MED12L: variants seen among roughly 807,000 people sequenced by gnomAD.
MED12L encodes mediator of RNA polymerase II transcription subunit 12-like protein.
A neutral mutation model predicts 281.3 loss-of-function variants in MED12L; 60 were observed. That is an observed-to-expected ratio of 0.21 (90% CI 0.17 to 0.26). The LOEUF is 0.26. Among genes scored for constraint, MED12L ranks in the 10% least tolerant of loss-of-function variants. The pLI, the probability that MED12L is intolerant of heterozygous loss-of-function variation, is 1.00. For synonymous variants in MED12L, 974 were observed against 987.2 expected, an observed-to-expected ratio of 0.99 and a Z score of 0.25; for missense variants, 2,146 against 2,680.9, an observed-to-expected ratio of 0.80 and a Z score of 4.41.
intron 16 of MED12L, among the ~76,000 whole-genome samples, chr3:151,261,603 G>A (rs1577161021): frequency 6.6e-6 from 1 of 152,236 alleles, no homozygotes; most frequent in Admixed American, 6.5e-5. Flanking sequence ...CTGAGAACTT[G>A]CTGGAAATGC....
chr3:151,262,867 C>T (rs904224058), intron 16 of MED12L, among the ~76,000 whole-genome samples: 1 of 152,206 alleles, frequency 6.6e-6, no homozygotes, highest in South Asian at 2.1e-4. Context: ...GTTAACGTCT[C>T]CTCAGTTAAA....
chr3:151,338,621 C>G, intron 16 of MED12L: 1 of 1,613,856 alleles, frequency 6.2e-7, no homozygotes, highest in East Asian at 2.2e-5. Flanking sequence ...ATGGAAAAGT[C>G]AGAATCATGA....
At chr3:151,119,473 C>T (rs1713401268) in intron 3 of MED12L, among the ~76,000 whole-genome samples, 1 of 152,108 alleles carries the variant, frequency 6.6e-6, no homozygotes, top group Admixed American at 6.5e-5. Context: ...CTTGTGTGTT[C>T]CTCCGTGGTG....
intron 16 of MED12L, among the ~76,000 whole-genome samples, chr3:151,265,985 A>G (rs1739756852): frequency 6.6e-6 from 1 of 152,142 alleles, no homozygotes; most frequent in Non-Finnish European, 1.5e-5. Flanking sequence ...GAGGCATTTA[A>G]TTGTTGTCTG....
intron 17 of MED12L, among the ~76,000 whole-genome samples, chr3:151,354,219 G>C (rs1046084036): frequency 4.2e-5 from 6 of 142,322 alleles, no homozygotes; most frequent in African/African-American, 1.0e-4. Context: ...TTTCCTTTTT[G>C]TTTTTAGATT....
chr3:151,126,212 C>T (rs1462612697), intron 4 of MED12L, among the ~76,000 whole-genome samples: 1 of 151,976 alleles, frequency 6.6e-6, no homozygotes, highest in East Asian at 1.9e-4. Flanking sequence ...CCACACTCAC[C>T]TGATTTTTAT....
chr3:151,146,642 T>G (rs149184722), intron 5 of MED12L, among the ~76,000 whole-genome samples: 20 of 152,320 alleles, frequency 1.3e-4, no homozygotes, highest in Admixed American at 9.8e-4. Flanking sequence ...ATGGCTGGTT[T>G]AAAATAACAT....
At chr3:151,326,995 C>T (rs964033067) in intron 16 of MED12L, 2 of 152,154 alleles carry the variant, frequency 1.3e-5, no homozygotes, top group Non-Finnish European at 2.9e-5. Context: ...TTGTATGTAT[C>T]GAGAATAGCA....
chr3:151,095,722 A>G (rs184248736), intron 2 of MED12L, among the ~76,000 whole-genome samples: 12 of 152,232 alleles, frequency 7.9e-5, no homozygotes, highest in Admixed American at 5.9e-4. Flanking sequence ...GCTTCTCACT[A>G]AAAACTTTTT....
intron 11 of MED12L, among the ~76,000 whole-genome samples, chr3:151,168,813 T>G (rs1721033616): frequency 6.6e-6 from 1 of 151,834 alleles, no homozygotes; most frequent in South Asian, 2.1e-4. Context: ...TCAAACAATT[T>G]TCATGCCTCA....
intron 28 of MED12L, among the ~76,000 whole-genome samples, chr3:151,376,545 G>T (rs1756875057): frequency 6.6e-6 from 1 of 152,144 alleles, no homozygotes; most frequent in Non-Finnish European, 1.5e-5. Flanking sequence ...TTTGAAAGGA[G>T]AAATGCTTAT....
intron 2 of MED12L, among the ~76,000 whole-genome samples, chr3:151,105,086 G>A (rs1721838500): frequency 6.6e-6 from 1 of 152,070 alleles, no homozygotes; most frequent in Admixed American, 6.5e-5. Flanking sequence ...TGGCTCCAGG[G>A]GCTGTCTCCA....
At chr3:151,242,413 G>C (rs1421633222) in intron 16 of MED12L, among the ~76,000 whole-genome samples, 1 of 152,188 alleles carries the variant, frequency 6.6e-6, no homozygotes. Context: ...CTCCCAGCAC[G>C]CAGCTGGAGA....
At chr3:151,266,388 C>T (rs1426723502) in intron 16 of MED12L, among the ~76,000 whole-genome samples, 1 of 152,202 alleles carries the variant, frequency 6.6e-6, no homozygotes, top group Non-Finnish European at 1.5e-5. Flanking sequence ...ATCACATTTA[C>T]AGTATCATCC....
chr3:151,158,699 T>G lies in MED12L; in HGVS notation c.737T>G (p.Leu246Ter). Residue 246 changes from leucine to a stop codon, truncating the protein, a stop_gained, in exon 7 of 45, where the codon TTA becomes TGA. Coordinates refer to ENST00000687756, the MANE Select transcript of MED12L (RefSeq NM_001393769.1). LOFTEE classifies it high-confidence loss of function. Reference protein sequence around the residue: ...LAFHMFQEGMLEKHEYLTWIL... With the variant: ...LAFHMFQEGM ...CTTTGTTCATTTAAGGAAGGAATGT[T>G]AGAAAAACACGAATATTTGACATGG... The G allele has an allele frequency of 6.2e-7, 1 of 1,607,028 alleles. No homozygotes were observed. Among genetic ancestry groups the G allele is most frequent in the African/African-American group, 1.3e-5 (1 of 74,804 alleles).
chr3:151,374,668 T>C (rs1756606482), intron 27 of MED12L, among the ~76,000 whole-genome samples: 1 of 152,360 alleles, frequency 6.6e-6, no homozygotes, highest in Non-Finnish European at 1.5e-5. Flanking sequence ...TAAAATACTG[T>C]GTTCAAAAAT....
At chr3:151,262,294 G>A (rs1405574779) in intron 16 of MED12L, among the ~76,000 whole-genome samples, 2 of 152,220 alleles carry the variant, frequency 1.3e-5, no homozygotes, top group Non-Finnish European at 2.9e-5. Flanking sequence ...GTTTGGATTT[G>A]AGAATTTGAT....
intron 16 of MED12L, among the ~76,000 whole-genome samples, chr3:151,237,759 A>AT (rs991075307): frequency 6.6e-6 from 1 of 152,022 alleles, no homozygotes; most frequent in Admixed American, 6.6e-5. Flanking sequence ...CAGATTAAAA[A>AT]TTTTTTTCTT....
intron 2 of MED12L, among the ~76,000 whole-genome samples, chr3:151,100,398 G>T (rs552201087): frequency 6.6e-6 from 1 of 152,314 alleles, no homozygotes; most frequent in East Asian, 1.9e-4. Context: ...TAATGAGGTT[G>T]TTGAGATTTG....
Sources: gnomAD v4.1 joint callset for allele counts (sites outside exome capture counted in the v4.1 genomes callset) on GRCh38, gnomAD v4.1.1 for gene constraint, MANE v1.5 for transcripts, NCBI Gene and HGNC (gene_info 2026-07-23, HGNC 2026-07-21) for gene names.